MYO1B: variants seen among roughly 807,000 people sequenced by gnomAD.
MYO1B encodes unconventional myosin-Ib.
A neutral mutation model predicts 159.7 loss-of-function variants in MYO1B; 72 were observed. The observed-to-expected ratio is 0.45, with a 90% CI of 0.37 to 0.55. The LOEUF is 0.55. Among genes scored for constraint, MYO1B ranks in the 20% least tolerant of loss-of-function variants. The probability of loss-of-function intolerance (pLI) is 0.00; values close to 1 mark genes in which losing one functional copy is unlikely to be tolerated. For missense variants in MYO1B, 1,062 were observed against 1,364.8 expected, an observed-to-expected ratio of 0.78 and a Z score of 3.50; for synonymous variants, 468 against 473.8, an observed-to-expected ratio of 0.99 and a Z score of 0.16.
intron 1 of MYO1B, among the ~76,000 whole-genome samples, chr2:191,265,512 T>C (rs904995658): frequency 3.9e-5 from 6 of 152,146 alleles, no homozygotes; most frequent in African/African-American, 7.2e-5. Flanking sequence ...GGAAGGGAAG[T>C]TGGTTTTCCT....
chr2:191,397,123 G>GTTTTTT (rs1559232471), intron 21 of MYO1B, among the ~76,000 whole-genome samples: 1 of 12,424 alleles, frequency 8.0e-5, no homozygotes, highest in African/African-American at 1.5e-4. Context: ...AAAAGAAGAT[G>GTTTTTT]ATTTCTTTTT....
intron 8 of MYO1B, among the ~76,000 whole-genome samples, chr2:191,361,820 T>C (rs1693690517): frequency 1.3e-5 from 2 of 152,014 alleles, no homozygotes; most frequent in Non-Finnish European, 2.9e-5. Context: ...TCCAACAAAA[T>C]AATTCAGATA....
chr2:191,320,578 T>A (rs1690644229), intron 3 of MYO1B, among the ~76,000 whole-genome samples: 1 of 152,084 alleles, frequency 6.6e-6, no homozygotes, highest in African/African-American at 2.4e-5. Flanking sequence ...ATTGGTAGAT[T>A]TAATTGAATT....
At position 191,408,116 on chromosome 2, in the gene MYO1B, T is replaced by A; in HGVS notation, c.2558T>A (p.Val853Glu). The A allele has an allele frequency of 6.2e-7, 1 of 1,608,750 alleles. No individual in the cohort carries two copies. Among genetic ancestry groups the A allele is most frequent in the Non-Finnish European group, 8.5e-7 (1 of 1,175,366 alleles). The change falls in exon 25 of 31, where the codon GTA (valine) becomes GAA (glutamate). Residue 853 changes from valine (V) to glutamate (E), a missense_variant and splice_region_variant. Physicochemically the swap from Val to Glu is moderately radical, Grantham distance 121. Around this residue, in one of 5 missense-constraint regions of MYO1B, gnomAD observed 609 missense variants for 744.4 expected, o/e 0.82. Transcript: ENST00000392318. ...VIWAYWLGLK[V>E]RREYRKFFRA... ...GTAACCTACATCTTCTTTTTAAAGG[T>A]ACGTAGAGAATACAGGAAATTCTTC...
At chr2:191,321,775 C>CCTAA (rs2125895419) in intron 3 of MYO1B, among the ~76,000 whole-genome samples, 1 of 152,196 alleles carries the variant, frequency 6.6e-6, no homozygotes, top group South Asian at 2.1e-4. Flanking sequence ...TAGGAGTTTA[C>CCTAA]AGATATGTTT....
chr2:191,403,658 A>AT (rs564482027), intron 24 of MYO1B, among the ~76,000 whole-genome samples: 4 of 151,906 alleles, frequency 2.6e-5, no homozygotes, highest in African/African-American at 7.3e-5. Context: ...AACAATCTGC[A>AT]TTTTTTTTCT....
At chr2:191,341,431 T>C (rs1574466963) in intron 4 of MYO1B, 30 bp from the exon 5 acceptor site, 1 of 1,583,546 alleles carries the variant, frequency 6.3e-7, no homozygotes, top group Non-Finnish European at 8.6e-7. Flanking sequence ...TTCTGTGTTA[T>C]TGATTAATAT....
At chr2:191,360,861 C>T in intron 8 of MYO1B, 132 bp downstream of exon 8, 1 of 614,096 alleles carries the variant, frequency 1.6e-6, no homozygotes, top group Non-Finnish European at 2.8e-6. Flanking sequence ...CCTGCCTTGG[C>T]TTCCCAGAGT....
At position 191,424,175 on chromosome 2, in the gene MYO1B, CAG is replaced by C; in HGVS notation, c.*216_*217del. ...CCTGGAGCAGGATTGTAGAAACTAA[CAG>C]TGTCTATTTTCATGTCTGATGTGTT... On this transcript the variant is annotated 3_prime_UTR_variant, in exon 31 of 31. Coordinates refer to ENST00000392318, the MANE Select transcript of MYO1B (RefSeq NM_001130158.3). The C allele has an allele frequency of 1.9e-6, 1 of 533,042 alleles. No homozygotes were observed. The highest frequency in any genetic ancestry group is 1.9e-5 in the African/African-American group (1 of 52,864). 33.0% of individuals were successfully genotyped at this position (533,042 alleles called of 1,614,324 possible). A position where few individuals can be genotyped will look rare whatever the true frequency, so the allele number is the denominator to read the frequency against.
chr2:191,304,010 C>T (rs984351255), intron 3 of MYO1B, among the ~76,000 whole-genome samples: 2 of 152,144 alleles, frequency 1.3e-5, no homozygotes, highest in African/African-American at 2.4e-5. Flanking sequence ...TGTTTGTTGT[C>T]AGTCTTGGGG....
rs115316217 is a variant in MYO1B at position 191,390,035 on chromosome 2, A to T, written c.1782-257A>T. Among the ~76,000 whole-genome samples, 736 of 152,308 alleles carry T rather than the reference A, an allele frequency of 4.8e-3. 2 individuals are homozygous for T. The highest frequency in any genetic ancestry group is 0.017 in the African/African-American group (699 of 41,554). On this transcript the variant is annotated intron_variant, in intron 17 of 30. Coordinates refer to ENST00000392318, the MANE Select transcript of MYO1B (RefSeq NM_001130158.3). Reference sequence around the variant, plus strand: ...CTTGTGTTGGGCTTCTTTTCACTCAATGAAATGTCAGTGATACTTATCCAC... The same window carrying T: ...CTTGTGTTGGGCTTCTTTTCACTCATTGAAATGTCAGTGATACTTATCCAC...
intron 5 of MYO1B, among the ~76,000 whole-genome samples, chr2:191,345,621 TGTC>T (rs963825972): frequency 6.6e-6 from 1 of 152,214 alleles, no homozygotes; most frequent in African/African-American, 2.4e-5. Context: ...TTTTCTTTGT[TGTC>T]TGGAAAGTTT....
intron 3 of MYO1B, among the ~76,000 whole-genome samples, chr2:191,326,302 T>C (rs1691061121): frequency 6.6e-6 from 1 of 152,168 alleles, no homozygotes; most frequent in African/African-American, 2.4e-5. Flanking sequence ...GAGCTGATGA[T>C]GGGTACGTGC....
At chr2:191,299,278 A>G (rs79489993) in intron 3 of MYO1B, among the ~76,000 whole-genome samples, 1 of 152,188 alleles carries the variant, frequency 6.6e-6, no homozygotes, top group Non-Finnish European at 1.5e-5. Context: ...TACATTCTCA[A>G]TGTGCTTAGG....
intron 1 of MYO1B, among the ~76,000 whole-genome samples, chr2:191,247,510 C>T (rs929137038): frequency 1.3e-5 from 2 of 152,124 alleles, no homozygotes; most frequent in East Asian, 3.9e-4. Context: ...TGGGAGTTGT[C>T]CTCAGGAGCC....
intron 1 of MYO1B, among the ~76,000 whole-genome samples, chr2:191,257,328 C>CA (rs1173760071): frequency 3.3e-5 from 5 of 152,042 alleles, no homozygotes; most frequent in Non-Finnish European, 7.4e-5. Flanking sequence ...TGGGTGGCTG[C>CA]AAGGAAGGGA....
At chr2:191,323,153 G>A (rs986699859) in intron 3 of MYO1B, among the ~76,000 whole-genome samples, 5 of 152,174 alleles carry the variant, frequency 3.3e-5, no homozygotes, top group African/African-American at 1.2e-4. Context: ...ATTATAATTA[G>A]TGTGTAATGA....
At chr2:191,306,831 G>A (rs889385190) in intron 3 of MYO1B, among the ~76,000 whole-genome samples, 1 of 152,258 alleles carries the variant, frequency 6.6e-6, no homozygotes, top group African/African-American at 2.4e-5. Context: ...ACCTAGAAAA[G>A]CATGGCTCCA....
At chr2:191,260,253 G>GTTTTTTTTTTTTTTTTTTT (rs1256549425) in intron 1 of MYO1B, among the ~76,000 whole-genome samples, 1 of 22,608 alleles carries the variant, frequency 4.4e-5, no homozygotes, top group Non-Finnish European at 7.8e-4. Context: ...TCCCAGATAG[G>GTTTTTTTTTTTTTTTTTTT]CTTTTTTTTT....
Sources: allele counts gnomAD v4.1 joint callset (sites outside exome capture counted in the v4.1 genomes callset), GRCh38; gene constraint gnomAD v4.1.1; regional missense constraint gnomAD v4.1.1; transcripts MANE v1.5; gene names NCBI Gene and HGNC (gene_info 2026-07-23, HGNC 2026-07-21).